SURF4: variants seen among roughly 807,000 people sequenced by gnomAD.
SURF4 encodes the protein surfeit 4.
In SURF4, 3 loss-of-function variants were observed where a neutral mutation model predicts 30.0. The ratio of observed to expected loss-of-function variants is 0.10; its 90% CI spans 0.05 to 0.26. The LOEUF (loss-of-function observed/expected upper bound fraction) is 0.26, where lower values mean the gene tolerates loss of function less well. Ranked by LOEUF, SURF4 falls within the 10% of genes least tolerant of loss-of-function variation. The pLI is 1.00. For missense variants in SURF4, 217 were observed against 350.8 expected (o/e 0.62, Z 3.05); for synonymous variants, 143 against 139.9 (o/e 1.02, Z -0.16).
intron 1 of SURF4, among the ~76,000 whole-genome samples, chr9:133,370,208 T>C (rs2130177734): frequency 6.6e-6 from 1 of 152,270 alleles, no homozygotes; most frequent in East Asian, 1.9e-4. Flanking sequence ...CGACTCTTAA[T>C]TTGAGTGTCT....
chr9:133,366,625 C>A lies in SURF4; in HGVS notation c.286G>T (p.Gly96Trp), dbSNP rs2130129242. Residue 96 changes from glycine to tryptophan, a missense_variant, in exon 3 of 6, where the codon GGG becomes TGG. Transcript: ENST00000371989. ...SRNFVQYACF[G>W]LFGIIALQTI... Reference sequence around the variant, plus strand: ...TGCAGAGCTATGATTCCAAAGAGCCCGAAGCAGGCGTACTGCACGAAGTTC... The same window carrying A: ...TGCAGAGCTATGATTCCAAAGAGCCAGAAGCAGGCGTACTGCACGAAGTTC... 1.0e-4 allele frequency: 164 copies of A among 1,613,938 alleles called. 1 individual carries two copies. The highest frequency in any genetic ancestry group is 8.0e-4 in the Admixed American group (48 of 60,012).
At chr9:133,367,565 G>C (rs2130146321) in intron 1 of SURF4, 120 bp from the exon 2 acceptor site, 2 of 1,548,328 alleles carry the variant, frequency 1.3e-6, no homozygotes, top group East Asian at 2.4e-5. Flanking sequence ...AAGAGCTCTT[G>C]TCAGCCCCGG....
intron 1 of SURF4, among the ~76,000 whole-genome samples, chr9:133,374,475 C>G (rs1325776717): frequency 6.6e-6 from 1 of 151,922 alleles, no homozygotes; most frequent in Non-Finnish European, 1.5e-5. Flanking sequence ...GCAGGAGAAT[C>G]GCTTGAACCC....
Position 133,363,771 on chromosome 9 carries a change from G to A in SURF4, c.544-12C>T, listed in dbSNP as rs1221774862. The A allele has an allele frequency of 3.1e-6, 5 of 1,613,442 alleles. No homozygotes were observed. The highest frequency in any genetic ancestry group is 3.4e-6 in the Non-Finnish European group (4 of 1,179,526). On this transcript the variant is annotated splice_polypyrimidine_tract_variant and intron_variant, in intron 5 of 5. Coordinates refer to ENST00000371989, the MANE Select transcript of SURF4 (RefSeq NM_033161.4). The surrounding 1 kb of genome is among the most constrained non-coding windows in gnomAD (Gnocchi z 4.3). ...ATGTTCTGGACAATCTGCATAGGTT[G>A]AAACGTAAGAAATTCAAAATAAATG...
intron 4 of SURF4, among the ~76,000 whole-genome samples, chr9:133,365,601 A>C (rs1303579600): frequency 6.6e-6 from 1 of 152,094 alleles, no homozygotes; most frequent in Non-Finnish European, 1.5e-5. Flanking sequence ...CACAAAAAAA[A>C]CTCTCAATGT....
intron 3 of SURF4, 167 bp from the exon 4 acceptor site, chr9:133,366,195 A>G (rs1837161141): frequency 3.1e-6 from 2 of 648,162 alleles, no homozygotes; most frequent in Admixed American, 5.7e-5. Flanking sequence ...GTGGTTCTGT[A>G]TTTCTCAAGA....
intron 1 of SURF4, chr9:133,372,762 A>G (rs1837578825): frequency 5.2e-6 from 2 of 381,292 alleles, no homozygotes; most frequent in Non-Finnish European, 7.2e-6. Flanking sequence ...CTGGTCTGGC[A>G]GCTTTAAGTA....
At chr9:133,367,947 T>A (rs2130152277) in intron 1 of SURF4, among the ~76,000 whole-genome samples, 133 of 152,358 alleles carry the variant, frequency 8.7e-4, no homozygotes, top group African/African-American at 3.2e-3. Flanking sequence ...TTGCCGTGGG[T>A]CATCCTGGGT....
chr9:133,363,855 T>C lies in SURF4; in HGVS notation c.544-96A>G. The stretch of plus-strand genomic sequence containing the variant: ...CAGCTGCTGCACGTCATGAAGTCTC[T>C]ATCCATCAGGCTGATGTAGCTACTG... On this transcript the variant is annotated intron_variant, in intron 5 of 5. Coordinates refer to ENST00000371989, the MANE Select transcript of SURF4 (RefSeq NM_033161.4). The surrounding 1 kb of genome is among the most constrained non-coding windows in gnomAD (Gnocchi z 4.3). The C allele has an allele frequency of 2.0e-6, 3 of 1,482,570 alleles. No homozygotes were observed. The highest frequency in any genetic ancestry group is 1.7e-4 in the Middle Eastern group (1 of 5,840). 91.8% of individuals were successfully genotyped at this position (1,482,570 alleles called of 1,614,324 possible).
intron 1 of SURF4, among the ~76,000 whole-genome samples, chr9:133,373,617 TAAC>T (rs1837636733): frequency 6.7e-6 from 1 of 148,196 alleles, no homozygotes; most frequent in Non-Finnish European, 1.5e-5. Context: ...AAAAACATAA[TAAC>T]AAAACATGAA....
chr9:133,366,528 AG>A (rs1837184388), intron 3 of SURF4, 70 bp downstream of exon 3: 1 of 1,532,916 alleles, frequency 6.5e-7, no homozygotes, highest in Non-Finnish European at 9.0e-7. Flanking sequence ...TGAACCCTCA[AG>A]GATGTCTTTT....
At position 133,366,018 on chromosome 9, in the gene SURF4, T is replaced by C; in HGVS notation, c.323A>G (p.Tyr108Cys). 6.2e-7 allele frequency: 1 copy of C among 1,614,070 alleles called. No homozygotes were observed. Among genetic ancestry groups the C allele is most frequent in the South Asian group, 1.1e-5 (1 of 91,082 alleles). Residue 108 changes from tyrosine (Y) to cysteine (C), a missense_variant, in exon 4 of 6, where the codon TAC becomes TGC. Physicochemically the swap from Tyr to Cys is radical, Grantham distance 194. Transcript: ENST00000371989. The stretch of plus-strand genomic sequence containing the variant: ...AAACTTCAAGTCCCATAAAATGCTG[T>C]AGGCAATCGTCTGAGGGGAAAGAAG... ...FGIIALQTIA[Y>C]SILWDLKFLM...
At chr9:133,370,865 A>G in intron 1 of SURF4, 5 of 1,289,588 alleles carry the variant, frequency 3.9e-6, no homozygotes, top group Non-Finnish European at 5.1e-6. Context: ...AGAAGATGAC[A>G]GTTAGCTCAC....
At chr9:133,377,631 C>T (rs1838021246), upstream of SURF4, among the ~76,000 whole-genome samples, 1 of 151,972 alleles carries the variant, frequency 6.6e-6, no homozygotes, top group Admixed American at 6.5e-5. Flanking sequence ...CCATTGGACT[C>T]CAGCCTGGGC....
chr9:133,370,610 C>T (rs926137391), intron 1 of SURF4, among the ~76,000 whole-genome samples: 1 of 152,214 alleles, frequency 6.6e-6, no homozygotes, highest in Admixed American at 6.5e-5. Context: ...CTCTAGAACA[C>T]GTCCCAGAGC....
In SURF4 at chr9:133,370,895, A is replaced by G. The variant is rs1287867101; in HGVS notation, c.49-3450T>C. On this transcript the variant is annotated intron_variant, in intron 1 of 5. Coordinates refer to ENST00000371989, the MANE Select transcript of SURF4 (RefSeq NM_033161.4). ...GCTCACCTCTGTGGCCAAGCTTCTC[A>G]TTAAGTCTCTCCGAGAACCGCGCCA... 4 of 1,289,676 alleles carry G rather than the reference A, an allele frequency of 3.1e-6. No homozygotes were observed. The East Asian group carries it at 2.2e-4, about 72-fold the overall frequency. 79.9% of individuals were successfully genotyped at this position (1,289,676 alleles called of 1,614,324 possible).
intron 2 of SURF4, among the ~76,000 whole-genome samples, chr9:133,366,880 G>A (rs1475903012): frequency 6.6e-6 from 1 of 152,178 alleles, no homozygotes; most frequent in East Asian, 1.9e-4. Context: ...ACCAGAAAGT[G>A]GAGCCCTTGC....
At chr9:133,377,437 G>A (rs2130254000), upstream of SURF4, among the ~76,000 whole-genome samples, 8 of 152,340 alleles carry the variant, frequency 5.3e-5, no homozygotes, top group African/African-American at 9.6e-5. Flanking sequence ...AGGCCAAGGC[G>A]GGCGGATCAC....
rs1361415051 is a variant in SURF4 at position 133,363,340 on chromosome 9, GTC to G, written c.*151_*152del. On this transcript the variant is annotated 3_prime_UTR_variant, in exon 6 of 6. Transcript: ENST00000371989. This position sits in a 1 kb window ranked among gnomAD's most constrained non-coding sequence, Gnocchi z 4.3. Reference sequence around the variant, plus strand: ...CAGACTGAGCCATCGATTCTCAGGTGTCTCTGCAAATAAAGTTCTCAAAACAT... The same window carrying G: ...CAGACTGAGCCATCGATTCTCAGGTGTCTGCAAATAAAGTTCTCAAAACAT... 15 of 1,241,006 alleles carry G rather than the reference GTC, an allele frequency of 1.2e-5. No individual in the cohort carries two copies. Among genetic ancestry groups the G allele is most frequent in the Non-Finnish European group, 1.6e-5 (14 of 863,480 alleles). The allele number at this position is 1,241,006 out of a possible 1,614,324, so 76.9% of individuals were successfully genotyped here. A position where few individuals can be genotyped will look rare whatever the true frequency, so the allele number is the denominator to read the frequency against.
Sources: allele counts gnomAD v4.1 joint callset (sites outside exome capture counted in the v4.1 genomes callset), GRCh38; gene constraint gnomAD v4.1.1; non-coding constraint Gnocchi (gnomAD v3.1); transcripts MANE v1.5; gene names NCBI Gene and HGNC (gene_info 2026-07-23, HGNC 2026-07-21).